Variants in GLIS3 observed in about 807,000 individuals in gnomAD.
The protein encoded by GLIS3 is GLIS family zinc finger 3.
A neutral mutation model predicts 78.6 loss-of-function variants in GLIS3; 53 were observed. The observed-to-expected ratio is 0.67, with a 90% CI of 0.54 to 0.85. The LOEUF is 0.85. GLIS3 is among the 40% of genes least tolerant of loss of function. GLIS3 has a pLI of 0.00. For missense variants in GLIS3, 1,703 were observed against 1,231.1 expected, an observed-to-expected ratio of 1.38 and a Z score of -5.74; for synonymous variants, 684 against 509.9, an observed-to-expected ratio of 1.34 and a Z score of -4.60.
chr9:3,871,610 C>T lies in GLIS3; in HGVS notation c.2297+7817G>A, dbSNP rs528665046. On this transcript the variant is annotated intron_variant, in intron 8 of 10. Transcript: ENST00000381971. ...GGCTTAGGGCTTGCACCATCTGAAG[C>T]CATGGCCAGAGCTTCAGGCCCCTTT... 4.9e-4 allele frequency among the ~76,000 whole-genome samples: 75 copies of T among 152,342 alleles called. No individual in the cohort carries two copies. The South Asian group carries it at 0.015, about 30-fold the overall frequency.
At chr9:3,856,594 A>C (rs1391238392) in intron 8 of GLIS3, among the ~76,000 whole-genome samples, 1 of 152,216 alleles carries the variant, frequency 6.6e-6, no homozygotes, top group African/African-American at 2.4e-5. Context: ...CACTTAGCTC[A>C]CAAACATTTT....
At chr9:4,316,645 G>C (rs1342841279) in intron 2 of GLIS3, among the ~76,000 whole-genome samples, 2 of 152,180 alleles carry the variant, frequency 1.3e-5, no homozygotes, top group Non-Finnish European at 2.9e-5. Context: ...GTGTGAGTAA[G>C]CGTAGGCATG....
chr9:3,952,771 C>T (rs1016311748), intron 4 of GLIS3, among the ~76,000 whole-genome samples: 3 of 152,018 alleles, frequency 2.0e-5, no homozygotes, highest in African/African-American at 7.2e-5. Flanking sequence ...ACTTTAATCT[C>T]CTTGGGAGCT....
At chr9:4,374,288 C>T in the GLIS3 span, among the ~76,000 whole-genome samples, 2,746 of 152,266 alleles carry the variant, frequency 0.018, 84 homozygotes, top group African/African-American at 0.062. Flanking sequence ...TGGGCTAAAT[C>T]CTCTATATCT....
chr9:4,122,138 C>G (rs1482826884), intron 3 of GLIS3, among the ~76,000 whole-genome samples: 15 of 152,146 alleles, frequency 9.9e-5, no homozygotes, highest in East Asian at 1.9e-4. Flanking sequence ...GGCTGGTTAA[C>G]CAAGAACTCA....
At chr9:3,920,173 T>G (rs1027281302) in intron 6 of GLIS3, among the ~76,000 whole-genome samples, 10 of 152,012 alleles carry the variant, frequency 6.6e-5, no homozygotes, top group Admixed American at 1.3e-4. Flanking sequence ...CCGGCTAATT[T>G]TTTGTATTTT....
intron 4 of GLIS3, among the ~76,000 whole-genome samples, chr9:3,967,274 C>T (rs1041104969): frequency 2.6e-5 from 4 of 152,100 alleles, no homozygotes; most frequent in Middle Eastern, 3.2e-3. Flanking sequence ...GAGACCGAGG[C>T]GGGCAGATCA....
At chr9:4,402,164 C>T in the GLIS3 span, among the ~76,000 whole-genome samples, 1 of 152,196 alleles carries the variant, frequency 6.6e-6, no homozygotes, top group Admixed American at 6.5e-5. Context: ...GGGGTGTTTG[C>T]ATCACCACAC....
intron 2 of GLIS3, among the ~76,000 whole-genome samples, chr9:4,247,930 G>C (rs1336679633): frequency 6.6e-6 from 1 of 151,976 alleles, no homozygotes; most frequent in East Asian, 1.9e-4. Flanking sequence ...CAGTTATTTT[G>C]AAATATACAA....
intron 2 of GLIS3, among the ~76,000 whole-genome samples, chr9:4,128,266 C>A: frequency 6.6e-6 from 1 of 152,232 alleles, no homozygotes; most frequent in Non-Finnish European, 1.5e-5. Flanking sequence ...TTAGGCAGAT[C>A]TGACCACTGC....
chr9:4,253,676 G>A (rs547790801), intron 2 of GLIS3, among the ~76,000 whole-genome samples: 1 of 152,310 alleles, frequency 6.6e-6, no homozygotes, highest in African/African-American at 2.4e-5. Context: ...CCTGCAGCTA[G>A]CTGGGTGTCC....
intron 2 of GLIS3, among the ~76,000 whole-genome samples, chr9:4,127,207 A>G (rs1190516936): frequency 6.6e-6 from 1 of 152,200 alleles, no homozygotes; most frequent in Non-Finnish European, 1.5e-5. Context: ...ACTAAAATCC[A>G]AGTGGTAATT....
chr9:4,116,059 T>C (rs1159693688), intron 4 of GLIS3, among the ~76,000 whole-genome samples: 1 of 152,224 alleles, frequency 6.6e-6, no homozygotes, highest in African/African-American at 2.4e-5. Flanking sequence ...CTTTAAAAAG[T>C]TATATGTCTT....
In GLIS3 at chr9:4,117,861, G is replaced by C. The variant is rs756792178; in HGVS notation, c.1617C>G (p.Ala539=). The change falls in exon 4 of 11, where the codon GCC becomes GCG. Residue 539 remains alanine, a synonymous_variant. Transcript: ENST00000381971. ...RKGEDFTCFW[A]GCPRRYKPFN... Reference sequence around the variant, plus strand: ...AGGGCTTGTATCTTCGAGGGCAACCGGCCCAGAAGCAAGTGAAGTCCTCCC... The same window carrying C: ...AGGGCTTGTATCTTCGAGGGCAACCCGCCCAGAAGCAAGTGAAGTCCTCCC... 1.9e-6 allele frequency: 3 copies of C among 1,613,962 alleles called. No individual in the cohort carries two copies. Among genetic ancestry groups the C allele is most frequent in the African/African-American group, 1.3e-5 (1 of 74,896 alleles).
intron 4 of GLIS3, among the ~76,000 whole-genome samples, chr9:4,103,443 C>A (rs369224397): frequency 6.6e-6 from 1 of 152,016 alleles, no homozygotes; most frequent in African/African-American, 2.4e-5. Flanking sequence ...TCAGGGAACA[C>A]GAGATACCAC....
intron 4 of GLIS3, among the ~76,000 whole-genome samples, chr9:4,048,003 G>T (rs1303895765): frequency 6.6e-6 from 1 of 152,150 alleles, no homozygotes; most frequent in Non-Finnish European, 1.5e-5. Flanking sequence ...GGTAAGAAGT[G>T]TGGGCAAGAC....
chr9:4,456,041 G>C, the GLIS3 span, among the ~76,000 whole-genome samples: 2 of 152,124 alleles, frequency 1.3e-5, no homozygotes, highest in Non-Finnish European at 2.9e-5. Context: ...CTGGGAGGGA[G>C]AGGTTGCAGT....
intron 2 of GLIS3, among the ~76,000 whole-genome samples, chr9:4,176,695 C>G (rs1816840613): frequency 6.6e-6 from 1 of 152,184 alleles, no homozygotes; most frequent in South Asian, 2.1e-4. Flanking sequence ...GCCATCTCAG[C>G]TCACTACAAC....
chr9:4,258,274 A>G (rs1825169328), intron 2 of GLIS3, among the ~76,000 whole-genome samples: 1 of 152,232 alleles, frequency 6.6e-6, no homozygotes, highest in South Asian at 2.1e-4. Context: ...TAAAAGATCC[A>G]TAAAGAATAG....
Sources: gnomAD v4.1 joint callset for allele counts (sites outside exome capture counted in the v4.1 genomes callset) on GRCh38, gnomAD v4.1.1 for gene constraint, MANE v1.5 for transcripts, NCBI Gene and HGNC (gene_info 2026-07-23, HGNC 2026-07-21) for gene names.